PSD2: variants seen among roughly 807,000 people sequenced by gnomAD.
The protein encoded by PSD2 is PH and SEC7 domain-containing protein 2.
PSD2 carries 38 observed loss-of-function variants against 69.8 expected under a neutral mutation model. The observed-to-expected ratio is 0.54, with a 90% CI of 0.42 to 0.71. The LOEUF is 0.71. Among genes scored for constraint, PSD2 ranks in the 30% least tolerant of loss-of-function variants. The pLI, the probability that PSD2 is intolerant of heterozygous loss-of-function variation, is 0.00. For missense variants in PSD2, 943 were observed against 1,014.5 expected (o/e 0.93, Z 0.96); for synonymous variants, 412 against 423.0 (o/e 0.97, Z 0.32).
the PSD2 span, among the ~76,000 whole-genome samples, chr5:139,750,157 C>G: frequency 1.3e-5 from 2 of 152,048 alleles, no homozygotes; most frequent in Non-Finnish European, 2.9e-5. Flanking sequence ...AACCCCGTCT[C>G]TACTAAAAAT....
At position 139,801,922 on chromosome 5, in the gene PSD2, T is replaced by G. The variant is rs1429762997; in HGVS notation, c.-51+5947T>G. On this transcript the variant is annotated intron_variant, in intron 1 of 14. Coordinates refer to ENST00000274710, the MANE Select transcript of PSD2 (RefSeq NM_032289.4). Reference sequence around the variant, plus strand: ...CATGTACAGCACATGGATGGGTGGGTGAGGCTTTAGAGTGCCTGACTTCCC... The same window carrying G: ...CATGTACAGCACATGGATGGGTGGGGGAGGCTTTAGAGTGCCTGACTTCCC... Among the ~76,000 whole-genome samples the G allele has an allele frequency of 2.6e-5, 4 of 152,074 alleles. No individual in the cohort carries two copies. The East Asian group carries it at 7.7e-4, about 29-fold the overall frequency.
At chr5:139,766,824 CTTCCTTCT>C in the PSD2 span, among the ~76,000 whole-genome samples, 8 of 42,218 alleles carry the variant, frequency 1.9e-4, 1 homozygote, top group Admixed American at 1.1e-3. Context: ...GGGCAAGTCC[CTTCCTTCT>C]TTCTTTCTTT....
the PSD2 span, among the ~76,000 whole-genome samples, chr5:139,774,938 G>A: frequency 6.6e-6 from 1 of 152,180 alleles, no homozygotes; most frequent in Non-Finnish European, 1.5e-5. Flanking sequence ...GCACATGGAG[G>A]CGTGGAGTGT....
chr5:139,837,564 G>A lies in PSD2; in HGVS notation c.1666-61G>A, dbSNP rs1017614097. The stretch of plus-strand genomic sequence containing the variant: ...GTAGGGTTAGACAGAGAGCAGTGAG[G>A]GGAGGGGAGAGTGGAAGGTGTGGGT... On this transcript the variant is annotated intron_variant, in intron 11 of 14. Coordinates refer to ENST00000274710, the MANE Select transcript of PSD2 (RefSeq NM_032289.4). The surrounding 1 kb of genome is among the most constrained non-coding windows in gnomAD (Gnocchi z 5.0). 6.6e-7 allele frequency: 1 copy of A among 1,504,950 alleles called. No individual in the cohort carries two copies. The highest frequency in any genetic ancestry group is 1.9e-5 in the Admixed American group (1 of 52,038). 93.2% of individuals were successfully genotyped at this position (1,504,950 alleles called of 1,614,324 possible). A position where few individuals can be genotyped will look rare whatever the true frequency, so the allele number is the denominator to read the frequency against.
Position 139,814,489 on chromosome 5 carries a change from A to G in PSD2, c.1016+125A>G. The G allele has an allele frequency of 1.3e-6, 1 of 798,076 alleles. No individual in the cohort carries two copies. The highest frequency in any genetic ancestry group is 1.9e-6 in the Non-Finnish European group (1 of 533,932). The allele number at this position is 798,076 out of a possible 1,614,324, so 49.4% of individuals were successfully genotyped here. ...GGGGGGCACTCCCAACAGTTCCCCA[A>G]GGACACCTCCTCCCGCCACTGTCCT... On this transcript the variant is annotated intron_variant, in intron 4 of 14. Transcript: ENST00000274710. This position sits in a 1 kb window ranked among gnomAD's most constrained non-coding sequence, Gnocchi z 4.4.
At chr5:139,832,300 T>G (rs1760615683) in intron 7 of PSD2, among the ~76,000 whole-genome samples, 1 of 152,242 alleles carries the variant, frequency 6.6e-6, no homozygotes, top group Non-Finnish European at 1.5e-5. Flanking sequence ...TATATATCTA[T>G]ACACACATAT....
chr5:139,820,985 T>G (rs1581725467), intron 5 of PSD2, among the ~76,000 whole-genome samples: 2 of 151,260 alleles, frequency 1.3e-5, no homozygotes, highest in South Asian at 4.2e-4. Flanking sequence ...CAGGCTGGAG[T>G]GCAATGGTGC....
chr5:139,766,694 A>G, the PSD2 span, among the ~76,000 whole-genome samples: 1 of 152,188 alleles, frequency 6.6e-6, no homozygotes, highest in Non-Finnish European at 1.5e-5. Context: ...CATCCTCGCC[A>G]TTGCCTGGCT....
the PSD2 span, among the ~76,000 whole-genome samples, chr5:139,754,870 A>C: frequency 6.8e-4 from 103 of 152,198 alleles, no homozygotes; most frequent in East Asian, 9.6e-4. Context: ...CTGTCTCAAA[A>C]AAAAACAAAA....
Position 139,813,658 on chromosome 5 carries a change from A to G in PSD2, c.721A>G (p.Met241Val), listed in dbSNP as rs756971132. The G allele has an allele frequency of 6.4e-5, 104 of 1,613,866 alleles. No homozygotes were observed. The highest frequency in any genetic ancestry group is 1.3e-4 in the East Asian group (6 of 44,862). The change falls in exon 3 of 15, where the codon ATG becomes GTG. Residue 241 changes from methionine to valine, a missense_variant. Met to Val is a conservative substitution (Grantham distance 21). Transcript: ENST00000274710. ...SENVLSRLSLMAMPNGFHEDG... is the reference protein window; with the variant it reads ...SENVLSRLSLVAMPNGFHEDG... Reference sequence around the variant, plus strand: ...GAATGTCCTGAGCCGCCTGTCTCTCATGGCCATGCCCAATGGATTCCATGA... The same window carrying G: ...GAATGTCCTGAGCCGCCTGTCTCTCGTGGCCATGCCCAATGGATTCCATGA...
At chr5:139,830,650 T>TTCTC (rs1414187067) in intron 7 of PSD2, among the ~76,000 whole-genome samples, 1 of 136,112 alleles carries the variant, frequency 7.3e-6, no homozygotes, top group East Asian at 2.1e-4. Flanking sequence ...CTTTCTTTCT[T>TTCTC]TCTTTCTCTT....
chr5:139,744,906 T>C, the PSD2 span: 4 of 152,330 alleles, frequency 2.6e-5, no homozygotes, highest in African/African-American at 9.7e-5. Context: ...CTGGGAATGG[T>C]ACATTCAGGA....
chr5:139,753,826 T>TG, the PSD2 span, among the ~76,000 whole-genome samples: 6,879 of 151,354 alleles, frequency 0.045, 533 homozygotes, highest in African/African-American at 0.16. Flanking sequence ...TTGTTTTTTT[T>TG]TTTGTTTGTT....
At chr5:139,755,918 AAAAG>A in the PSD2 span, among the ~76,000 whole-genome samples, 103 of 152,288 alleles carry the variant, frequency 6.8e-4, no homozygotes, top group Non-Finnish European at 1.3e-3. Context: ...TATACTTAAA[AAAAG>A]CACAATGCAA....
At chr5:139,778,278 C>T in the PSD2 span, among the ~76,000 whole-genome samples, 1 of 152,166 alleles carries the variant, frequency 6.6e-6, no homozygotes, top group Non-Finnish European at 1.5e-5. Context: ...CAGCTAGTCA[C>T]AATAAGGAGA....
At chr5:139,768,352 G>C in the PSD2 span, among the ~76,000 whole-genome samples, 1,478 of 152,310 alleles carry the variant, frequency 9.7e-3, 25 homozygotes, top group African/African-American at 0.034. Flanking sequence ...TGTGTGTAGT[G>C]GGGGAGAGGA....
intron 7 of PSD2, among the ~76,000 whole-genome samples, chr5:139,828,314 G>A (rs1201185827): frequency 3.3e-5 from 5 of 152,174 alleles, no homozygotes; most frequent in Non-Finnish European, 7.3e-5. Flanking sequence ...AGTCATTCCA[G>A]GAGAGCTCAA....
intron 7 of PSD2, among the ~76,000 whole-genome samples, chr5:139,827,355 A>C (rs1760451975): frequency 6.6e-6 from 1 of 152,212 alleles, no homozygotes; most frequent in Non-Finnish European, 1.5e-5. Context: ...AAATCGGACC[A>C]ATTAGCACAG....
chr5:139,781,886 G>C, the PSD2 span, among the ~76,000 whole-genome samples: 1 of 152,070 alleles, frequency 6.6e-6, no homozygotes, highest in African/African-American at 2.4e-5. Context: ...CGCCCACCTC[G>C]GCCTCCCAAA....
Sources: allele counts gnomAD v4.1 joint callset (sites outside exome capture counted in the v4.1 genomes callset), GRCh38; gene constraint gnomAD v4.1.1; non-coding constraint Gnocchi (gnomAD v3.1); transcripts MANE v1.5; gene names NCBI Gene and HGNC (gene_info 2026-07-23, HGNC 2026-07-21).